EPB42: variants seen among roughly 807,000 people sequenced by gnomAD.
The protein encoded by EPB42 is protein 4.2.
Under a neutral mutation model 76.9 loss-of-function variants are expected in EPB42, and 49 were observed. The observed-to-expected ratio is 0.64, with a 90% confidence interval of 0.51 to 0.81. The LOEUF (loss-of-function observed/expected upper bound fraction) is 0.81, where lower values mean the gene tolerates loss of function less well. Ranked by LOEUF, EPB42 falls within the 30% of genes least tolerant of loss-of-function variation. The pLI is 0.00. For synonymous variants in EPB42, 310 were observed against 338.4 expected, an observed-to-expected ratio of 0.92 and a Z score of 0.92; for missense variants, 731 against 867.6, an observed-to-expected ratio of 0.84 and a Z score of 1.98.
intron 3 of EPB42, among the ~76,000 whole-genome samples, chr15:43,212,704 C>G (rs1269922754): frequency 6.6e-6 from 1 of 152,148 alleles, no homozygotes; most frequent in East Asian, 1.9e-4. Flanking sequence ...TCAGTCTCCT[C>G]CCGGTGCCCC....
chr15:43,217,350 C>A (rs369205492), intron 1 of EPB42, among the ~76,000 whole-genome samples: 161 of 152,218 alleles, frequency 1.1e-3, no homozygotes, highest in African/African-American at 3.8e-3. Context: ...GAGGCCTCCC[C>A]AGGAGCAGAA....
Position 43,197,319 on chromosome 15 carries a change from G to A in EPB42, c.2059C>T (p.Pro687Ser). 3 of 1,614,140 alleles carry A rather than the reference G, an allele frequency of 1.9e-6. No individual in the cohort carries two copies. Among genetic ancestry groups the A allele is most frequent in the Non-Finnish European group, 2.5e-6 (3 of 1,180,016 alleles). ...CTGGAAGTTTAAGCTGATAGTTCAG[G>A]GGCTACCACGGTGACGCTTTTATAG... The part of the protein sequence containing the change: ...TNYKSVTVVA[P>S]ELSA The change falls in exon 13 of 13, where the codon CCT becomes TCT. Residue 687 changes from proline to serine, a missense_variant. Physicochemically the swap from Pro to Ser is moderately conservative, Grantham distance 74. Transcript: ENST00000441366.
intron 10 of EPB42, among the ~76,000 whole-genome samples, chr15:43,203,803 A>G (rs1190060129): frequency 1.3e-5 from 2 of 152,054 alleles, no homozygotes; most frequent in African/African-American, 4.8e-5. Flanking sequence ...TCTGTGTCTC[A>G]TCTCCTCATC....
rs1214002813 is a variant in EPB42 at position 43,206,380 on chromosome 15, G to T, written c.1568C>A (p.Ala523Asp). The T allele has an allele frequency of 1.9e-6, 3 of 1,613,562 alleles. No homozygotes were observed. In the Admixed American group the frequency reaches 5.0e-5, roughly 27 times the overall value. The change falls in exon 10 of 13, where the codon GCT (alanine) becomes GAT (aspartate). Residue 523 changes from alanine (A) to aspartate (D), a missense_variant. Transcript: ENST00000441366. The surrounding 1 kb of genome is among the most constrained non-coding windows in gnomAD (Gnocchi z 4.7). ...VQAVHYNGVLAAKLWRKKLHL... is the reference protein window; with the variant it reads ...VQAVHYNGVLDAKLWRKKLHL... ...CAGCTTCTTCCTCCAGAGCTTGGCA[G>T]CAAGGACACCGTTGTAGTGTACAGC...
intron 1 of EPB42, among the ~76,000 whole-genome samples, chr15:43,219,404 A>G (rs1008481192): frequency 3.6e-4 from 55 of 152,222 alleles, no homozygotes; most frequent in African/African-American, 1.3e-3. Context: ...ACTGGTTCAC[A>G]AGGTTCCTCA....
Position 43,211,461 on chromosome 15 carries a change from C to T in EPB42, c.504G>A (p.Leu168=), listed in dbSNP as rs779896144. The change falls in exon 4 of 13, where the codon CTG becomes CTA. Residue 168 remains leucine (L), a synonymous_variant. Transcript: ENST00000441366. ...YLLNQNGLIY[L]GTADCIQAES... is the part of the protein sequence containing the mutation. ...CTGCCTGGATGCAGTCAGCTGTACC[C>T]AGGTAGATGAGACCATTCTGGTTCA... The T allele has an allele frequency of 1.9e-6, 3 of 1,614,118 alleles. No individual in the cohort carries two copies. The highest frequency in any genetic ancestry group is 2.5e-6 in the Non-Finnish European group (3 of 1,179,968).
chr15:43,219,674 G>A (rs1017293142), intron 1 of EPB42, among the ~76,000 whole-genome samples: 16 of 152,178 alleles, frequency 1.1e-4, no homozygotes, highest in African/African-American at 2.7e-4. Flanking sequence ...TTGGCCAGGC[G>A]CAGTGGCTCA....
intron 5 of EPB42, 107 bp from the exon 6 acceptor site, chr15:43,209,558 T>C: frequency 7.8e-7 from 1 of 1,285,616 alleles, no homozygotes; most frequent in Non-Finnish European, 1.1e-6. Flanking sequence ...GGTGAACAGA[T>C]CCCCAGCATT....
chr15:43,223,966 T>C (rs1381404745), upstream of EPB42, among the ~76,000 whole-genome samples: 2 of 152,030 alleles, frequency 1.3e-5, no homozygotes, highest in African/African-American at 2.4e-5. Context: ...GAGCAAGACA[T>C]TGTCTCAAAA....
At chr15:43,219,943 T>TAAA (rs770805269) in intron 1 of EPB42, among the ~76,000 whole-genome samples, 1 of 137,784 alleles carries the variant, frequency 7.3e-6, no homozygotes, top group Non-Finnish European at 1.6e-5. Flanking sequence ...AGACTCCGTT[T>TAAA]AAAAAAAAAA....
chr15:43,211,647 G>C lies in EPB42; in HGVS notation c.431-113C>G, dbSNP rs1296047666. 6.4e-6 allele frequency: 5 copies of C among 786,480 alleles called. No individual in the cohort carries two copies. The Admixed American group carries it at 8.7e-5, about 14-fold the overall frequency. 48.7% of individuals were successfully genotyped at this position (786,480 alleles called of 1,614,324 possible). On this transcript the variant is annotated intron_variant, in intron 3 of 12. Transcript: ENST00000441366. ...GGTTTGGCTGCAGGCCACCCCGTCA[G>C]CTCTGGGCCTAATGAAGACTGAGGA...
intron 10 of EPB42, among the ~76,000 whole-genome samples, chr15:43,204,352 C>T (rs1250406910): frequency 6.6e-6 from 1 of 151,806 alleles, no homozygotes; most frequent in Admixed American, 6.6e-5. Flanking sequence ...TGCTGGGTTC[C>T]CTCCTCACCC....
intron 10 of EPB42, 145 bp from the exon 11 acceptor site, chr15:43,203,420 C>T: frequency 9.2e-7 from 1 of 1,081,830 alleles, no homozygotes. Flanking sequence ...ACACTTGGAA[C>T]TCACTCAAGA....
intron 10 of EPB42, among the ~76,000 whole-genome samples, chr15:43,203,541 C>T (rs1470010297): frequency 6.6e-6 from 1 of 152,180 alleles, no homozygotes; most frequent in Admixed American, 6.5e-5. Context: ...TAAGCTCTTT[C>T]GGCCTCAGTG....
chr15:43,210,130 A>G (rs2042270699), intron 5 of EPB42, among the ~76,000 whole-genome samples: 1 of 151,982 alleles, frequency 6.6e-6, no homozygotes, highest in African/African-American at 2.4e-5. Flanking sequence ...GGGATCACAC[A>G]TTTCTTTGCT....
At chr15:43,224,660 A>C (rs1221045582), upstream of EPB42, among the ~76,000 whole-genome samples, 2 of 152,272 alleles carry the variant, frequency 1.3e-5, no homozygotes, top group African/African-American at 4.8e-5. Flanking sequence ...ACATCCATGC[A>C]TAAGGTATTA....
chr15:43,219,858 A>C (rs1402066825), intron 1 of EPB42, among the ~76,000 whole-genome samples: 1 of 151,950 alleles, frequency 6.6e-6, no homozygotes. Flanking sequence ...AGGCAGGAGA[A>C]TCACTTGAAC....
intron 1 of EPB42, among the ~76,000 whole-genome samples, chr15:43,219,301 T>G (rs759765853): frequency 2.0e-5 from 3 of 152,346 alleles, no homozygotes; most frequent in Admixed American, 1.3e-4. Flanking sequence ...TAGGAAGTGA[T>G]GAGTTTAGAG....
At chr15:43,223,252 A>T (rs1005293650), upstream of EPB42, among the ~76,000 whole-genome samples, 1 of 152,134 alleles carries the variant, frequency 6.6e-6, no homozygotes, top group African/African-American at 2.4e-5. Context: ...GGGAGGTTGG[A>T]GGTTGCGGTG....
Sources: gnomAD v4.1 joint callset for allele counts (sites outside exome capture counted in the v4.1 genomes callset) on GRCh38, gnomAD v4.1.1 for gene constraint, Gnocchi (gnomAD v3.1) non-coding constraint, MANE v1.5 for transcripts, NCBI Gene and HGNC (gene_info 2026-07-23, HGNC 2026-07-21) for gene names.